The following FBRSL1 variants were observed in gnomAD, a reference collection of about 807,000 sequenced individuals.
FBRSL1 encodes the protein fibrosin like 1.
A neutral mutation model predicts 89.6 loss-of-function variants in FBRSL1; 51 were observed. That is an observed-to-expected ratio of 0.57 (90% confidence interval 0.45 to 0.72). The LOEUF (loss-of-function observed/expected upper bound fraction) is 0.72, where lower values mean the gene tolerates loss of function less well. FBRSL1 is among the 30% of genes least tolerant of loss of function. The probability of loss-of-function intolerance (pLI) is 0.00; values close to 1 mark genes in which losing one functional copy is unlikely to be tolerated. For synonymous variants in FBRSL1, 779 were observed against 681.1 expected (o/e 1.14, Z -2.24); for missense variants, 1,618 against 1,451.8 (o/e 1.11, Z -1.86).
chr12:132,509,675 C>T (rs921508067), intron 2 of FBRSL1: 6 of 1,231,622 alleles, frequency 4.9e-6, no homozygotes, highest in Non-Finnish European at 6.1e-6. Flanking sequence ...CAAGGCACCG[C>T]TGCAGGCGCC....
At chr12:132,542,816 A>G (rs1201665237) in intron 4 of FBRSL1, among the ~76,000 whole-genome samples, 5 of 152,230 alleles carry the variant, frequency 3.3e-5, no homozygotes, top group Non-Finnish European at 4.4e-5. Context: ...TTGTTTGAGC[A>G]GTGGGATCAG....
intron 1 of FBRSL1, among the ~76,000 whole-genome samples, chr12:132,500,353 C>T (rs755435644): frequency 5.9e-5 from 9 of 152,084 alleles, no homozygotes; most frequent in Non-Finnish European, 1.0e-4. Flanking sequence ...ACGCACAGAG[C>T]CGTGCAGTCA....
chr12:132,555,718 T>A (rs908831798), intron 5 of FBRSL1, among the ~76,000 whole-genome samples: 3 of 152,224 alleles, frequency 2.0e-5, no homozygotes, highest in African/African-American at 7.2e-5. Flanking sequence ...TCTCTGCCCC[T>A]GTCCGTCCTC....
chr12:132,527,727 CGGGGCAGGGTTGAGGGCTGTGGGGCTGT>C (rs2035914866), intron 3 of FBRSL1, among the ~76,000 whole-genome samples, 198 bp from the exon 4 acceptor site: 1 of 132,118 alleles, frequency 7.6e-6, no homozygotes, highest in Non-Finnish European at 1.7e-5. Context: ...TTGTGGGCTG[CGGGGCAGGGTTGAGGGCTGTGGGGCTGT>C]GGGGCAGGGT....
intron 5 of FBRSL1, among the ~76,000 whole-genome samples, chr12:132,558,400 A>G (rs1021053629): frequency 6.6e-6 from 1 of 152,202 alleles, no homozygotes; most frequent in African/African-American, 2.4e-5. Context: ...CCAAGTCCTC[A>G]GAGTACAGGC....
rs560493544 is a variant in FBRSL1, at chr12:132,578,584, G to A, written c.1834+1653G>A. Among the ~76,000 whole-genome samples, 14 of 152,162 alleles carry A rather than the reference G, an allele frequency of 9.2e-5. No homozygotes were observed. In the South Asian group the frequency reaches 2.9e-3, roughly 32 times the overall value. ...GCTGCATGCACACGTACATACCCAC[G>A]TGTACAGGCACACGTACACACAGGC... is the stretch of plus-strand genomic sequence containing the variant. On this transcript the variant is annotated intron_variant, in intron 15 of 18. Transcript: ENST00000680143.
At chr12:132,493,595 C>T (rs1236721293) in intron 1 of FBRSL1, among the ~76,000 whole-genome samples, 2 of 152,222 alleles carry the variant, frequency 1.3e-5, no homozygotes, top group African/African-American at 2.4e-5. Context: ...ACCCCTTGCC[C>T]TGTGCCCGGG....
At chr12:132,558,785 C>A (rs1212564346) in intron 5 of FBRSL1, among the ~76,000 whole-genome samples, 1 of 152,250 alleles carries the variant, frequency 6.6e-6, no homozygotes, top group African/African-American at 2.4e-5. Context: ...CGGGGCCAGG[C>A]CTTCCAAGCC....
At chr12:132,492,618 C>T (rs1002925619) in intron 1 of FBRSL1, among the ~76,000 whole-genome samples, 3 of 152,264 alleles carry the variant, frequency 2.0e-5, no homozygotes, top group Non-Finnish European at 4.4e-5. Context: ...CGCAGCGGCT[C>T]TGACTGGCTG....
At chr12:132,502,853 C>T (rs28493667) in intron 1 of FBRSL1, among the ~76,000 whole-genome samples, 1 of 139,710 alleles carries the variant, frequency 7.2e-6, no homozygotes, top group Admixed American at 7.2e-5. Context: ...GTCCCCGCCC[C>T]CTCCTGTTCT....
chr12:132,577,721 G>A (rs1024857412), intron 15 of FBRSL1, among the ~76,000 whole-genome samples: 10 of 152,164 alleles, frequency 6.6e-5, no homozygotes, highest in Admixed American at 5.9e-4. Context: ...AAGACTCTGG[G>A]GTGCTGATCT....
chr12:132,569,272 C>T (rs2039847756), intron 6 of FBRSL1, among the ~76,000 whole-genome samples: 1 of 151,198 alleles, frequency 6.6e-6, no homozygotes, highest in Admixed American at 6.6e-5. Context: ...GGGGGACGTG[C>T]CTAGGTGGGC....
chr12:132,537,214 G>A (rs1039759053), intron 4 of FBRSL1, among the ~76,000 whole-genome samples: 4 of 152,332 alleles, frequency 2.6e-5, no homozygotes, highest in Non-Finnish European at 5.9e-5. Flanking sequence ...CACGGAGTGT[G>A]TGGCCAGGGA....
At chr12:132,535,998 T>C (rs2036694146) in intron 4 of FBRSL1, among the ~76,000 whole-genome samples, 1 of 151,624 alleles carries the variant, frequency 6.6e-6, no homozygotes. Context: ...CACGTGTACA[T>C]GATGCGTGGA....
chr12:132,525,690 G>T (rs569955722), intron 2 of FBRSL1, 44 bp from the exon 3 acceptor site: 2 of 1,492,082 alleles, frequency 1.3e-6, no homozygotes, highest in South Asian at 2.4e-5. Context: ...TGCGGACGCG[G>T]TGAGGTGGGG....
chr12:132,490,650 C>T lies in FBRSL1; in HGVS notation c.80C>T (p.Ala27Val), dbSNP rs1353622759. 212 of 988,384 alleles carry T rather than the reference C, an allele frequency of 2.1e-4. No individual in the cohort carries two copies. Among genetic ancestry groups the T allele is most frequent in the Non-Finnish European group, 2.5e-4 (210 of 832,004 alleles). 61.2% of individuals were successfully genotyped at this position (988,384 alleles called of 1,614,324 possible). A position where few individuals can be genotyped will look rare whatever the true frequency, so the allele number is the denominator to read the frequency against. ...RGRRREAARD[A>V]RAQSPSSGDE... Reference sequence around the variant, plus strand: ...CGGCGCCGGGAGGCCGCCCGCGACGCCCGCGCCCAGAGTCCGTCGTCGGGC... The same window carrying T: ...CGGCGCCGGGAGGCCGCCCGCGACGTCCGCGCCCAGAGTCCGTCGTCGGGC... The change falls in exon 1 of 19, where the codon GCC (alanine) becomes GTC (valine). Residue 27 changes from alanine (A) to valine (V), a missense_variant. By Grantham distance (64) the Ala-to-Val change is moderately conservative (BLOSUM62 0). Coordinates refer to ENST00000680143, the MANE Select transcript of FBRSL1 (RefSeq NM_001367871.1).
chr12:132,549,807 C>A (rs1476265542), intron 5 of FBRSL1, among the ~76,000 whole-genome samples: 1 of 152,238 alleles, frequency 6.6e-6, no homozygotes, highest in Admixed American at 6.5e-5. Flanking sequence ...CAAACGATGT[C>A]TGTGCAGGCT....
At chr12:132,556,399 A>G (rs1477843810) in intron 5 of FBRSL1, among the ~76,000 whole-genome samples, 1 of 152,068 alleles carries the variant, frequency 6.6e-6, no homozygotes, top group Non-Finnish European at 1.5e-5. Context: ...CAGCAGGCGC[A>G]GGCCCTACCC....
intron 2 of FBRSL1, chr12:132,511,606 T>C: frequency 6.1e-6 from 6 of 985,632 alleles, no homozygotes; most frequent in Non-Finnish European, 7.2e-6. Flanking sequence ...GTTGACCACC[T>C]GGACCCCTGC....
Sources: allele counts gnomAD v4.1 joint callset (sites outside exome capture counted in the v4.1 genomes callset), GRCh38; gene constraint gnomAD v4.1.1; transcripts MANE v1.5; gene names NCBI Gene and HGNC (gene_info 2026-07-23, HGNC 2026-07-21).